TERF2: variants seen among roughly 807,000 people sequenced by gnomAD.
TERF2 encodes the protein telomeric repeat-binding factor 2.
A neutral mutation model predicts 56.1 loss-of-function variants in TERF2; 16 were observed. The observed-to-expected ratio is 0.29, with a 90% confidence interval of 0.19 to 0.43. TERF2 has a LOEUF of 0.43. Among genes scored for constraint, TERF2 ranks in the 20% least tolerant of loss-of-function variants. The pLI, the probability that TERF2 is intolerant of heterozygous loss-of-function variation, is 1.00. For synonymous variants in TERF2, 296 were observed against 282.1 expected (o/e 1.05, Z -0.50); for missense variants, 547 against 712.9 (o/e 0.77, Z 2.65).
At chr16:69,367,304 G>T in intron 6 of TERF2, 105 bp from the exon 7 acceptor site, 1 of 1,205,094 alleles carries the variant, frequency 8.3e-7, no homozygotes, top group Non-Finnish European at 1.1e-6. Context: ...CAGTTGAGGA[G>T]GCTTTAAATG....
intron 3 of TERF2, among the ~76,000 whole-genome samples, chr16:69,380,655 T>TA (rs771517864): frequency 0.033 from 4,226 of 128,786 alleles, 141 homozygotes; most frequent in South Asian, 0.13. Context: ...AGACTACGTC[T>TA]AAAAAAAAAA....
At chr16:69,360,171 G>A (rs944278292) in intron 8 of TERF2, among the ~76,000 whole-genome samples, 3 of 152,076 alleles carry the variant, frequency 2.0e-5, no homozygotes, top group Non-Finnish European at 4.4e-5. Flanking sequence ...CAGATCACTT[G>A]AGGTCAGGAG....
chr16:69,365,441 G>C (rs537484168), intron 7 of TERF2: 2 of 152,410 alleles, frequency 1.3e-5, no homozygotes, highest in South Asian at 2.1e-4. Flanking sequence ...ACACAGAGCA[G>C]AGGCAGAGGT....
At chr16:69,380,448 C>G (rs2013952840) in intron 3 of TERF2, among the ~76,000 whole-genome samples, 1 of 151,604 alleles carries the variant, frequency 6.6e-6, no homozygotes, top group Non-Finnish European at 1.5e-5. Context: ...ATCATGAGGT[C>G]AGGAGTGCAA....
Position 69,385,906 on chromosome 16 carries a change from C to T in TERF2, c.66G>A (p.Ala22=). The T allele has an allele frequency of 1.4e-6, 2 of 1,381,688 alleles. No homozygotes were observed. Among genetic ancestry groups the T allele is most frequent in the Non-Finnish European group, 1.9e-6 (2 of 1,066,514 alleles). The allele number at this position is 1,381,688 out of a possible 1,614,324, so 85.6% of individuals were successfully genotyped here. A position where few individuals can be genotyped will look rare whatever the true frequency, so the allele number is the denominator to read the frequency against. Residue 22 remains alanine, a synonymous_variant, in exon 1 of 10, where the codon GCG becomes GCA. Coordinates refer to ENST00000254942, the MANE Select transcript of TERF2 (RefSeq NM_005652.5). ...GGCCGGGCCGCTTCCTCGGCTGTGACGCCGCTGGGTCACGCACGACGCCCG... is the reference window on the plus strand; with the variant it reads ...GGCCGGGCCGCTTCCTCGGCTGTGATGCCGCTGGGTCACGCACGACGCCCG... ...SGPGVVRDPA[A]SQPRKRPGRE... is the part of the protein sequence containing the mutation.
intron 3 of TERF2, among the ~76,000 whole-genome samples, chr16:69,376,539 C>T (rs761912423): frequency 6.6e-6 from 1 of 151,968 alleles, no homozygotes; most frequent in African/African-American, 2.4e-5. Flanking sequence ...ATTAGCCAGT[C>T]TGTATCTATA....
At chr16:69,379,156 G>C (rs2013904289) in intron 3 of TERF2, among the ~76,000 whole-genome samples, 1 of 152,172 alleles carries the variant, frequency 6.6e-6, no homozygotes, top group African/African-American at 2.4e-5. Flanking sequence ...AGAAATGCCA[G>C]AAAGCACATT....
chr16:69,355,763 C>T lies in TERF2; in HGVS notation c.*1135G>A, dbSNP rs1001523166. 4.5e-4 allele frequency: 71 copies of T among 157,628 alleles called. No homozygotes were observed. The highest frequency in any genetic ancestry group is 1.7e-3 in the African/African-American group (70 of 41,566). The allele number at this position is 157,628 out of a possible 1,614,324, so 9.8% of individuals were successfully genotyped here. Reference sequence around the variant, plus strand: ...GAATGTTGAATTCCAGTGCAAGACACGAACACAGCACAATTAGGGAATCAG... The same window carrying T: ...GAATGTTGAATTCCAGTGCAAGACATGAACACAGCACAATTAGGGAATCAG... On this transcript the variant is annotated 3_prime_UTR_variant, in exon 10 of 10. Coordinates refer to ENST00000254942, the MANE Select transcript of TERF2 (RefSeq NM_005652.5).
intron 3 of TERF2, among the ~76,000 whole-genome samples, chr16:69,379,785 G>C (rs951591115): frequency 6.6e-6 from 1 of 152,150 alleles, no homozygotes; most frequent in African/African-American, 2.4e-5. Context: ...TAAGATAAAA[G>C]TTTAATGAGA....
chr16:69,361,349 C>T (rs374806959), intron 8 of TERF2, 55 bp downstream of exon 8: 30 of 1,228,790 alleles, frequency 2.4e-5, no homozygotes, highest in South Asian at 1.2e-4. Context: ...GACAGTAACA[C>T]GCATCTGTAC....
At chr16:69,376,879 A>AAAC (rs1399103335) in intron 3 of TERF2, among the ~76,000 whole-genome samples, 6 of 150,614 alleles carry the variant, frequency 4.0e-5, no homozygotes, top group Admixed American at 4.0e-4. Flanking sequence ...AAAAAAAAAA[A>AAAC]ACTGAGAAAA....
chr16:69,370,991 C>T (rs2013550346), intron 4 of TERF2, among the ~76,000 whole-genome samples: 1 of 130,402 alleles, frequency 7.7e-6, no homozygotes, highest in African/African-American at 3.0e-5. Context: ...ATGTGGATGT[C>T]TGTACACACA....
intron 8 of TERF2, among the ~76,000 whole-genome samples, chr16:69,358,455 T>C (rs1038856197): frequency 2.6e-5 from 4 of 152,202 alleles, no homozygotes; most frequent in African/African-American, 9.6e-5. Context: ...CCCAACATCG[T>C]TTTCTAAAAT....
chr16:69,374,904 G>A (rs1240328645), intron 3 of TERF2, among the ~76,000 whole-genome samples: 4 of 151,976 alleles, frequency 2.6e-5, no homozygotes, highest in Non-Finnish European at 5.9e-5. Context: ...GGCAGAGGTT[G>A]CAGTGAGCCG....
At chr16:69,370,277 C>T in intron 5 of TERF2, 1 of 613,544 alleles carries the variant, frequency 1.6e-6, no homozygotes, top group Admixed American at 3.5e-5. Flanking sequence ...GTGATCCACC[C>T]CCCTGGGCCT....
At position 69,356,241 on chromosome 16, in the gene TERF2, G is replaced by C. The variant is rs577494048; in HGVS notation, c.*657C>G. On this transcript the variant is annotated 3_prime_UTR_variant, in exon 10 of 10. Coordinates refer to ENST00000254942, the MANE Select transcript of TERF2 (RefSeq NM_005652.5). ...GTTTTAACAGGTCATGGAGTCACAA[G>C]TGGCTCCTAATAGACTTCACCATTT... is the stretch of plus-strand genomic sequence containing the variant. 2 of 454,974 alleles carry C rather than the reference G, an allele frequency of 4.4e-6. No individual in the cohort carries two copies. Among genetic ancestry groups the C allele is most frequent in the South Asian group, 1.6e-5 (1 of 64,316 alleles). 28.2% of individuals were successfully genotyped at this position (454,974 alleles called of 1,614,324 possible).
chr16:69,359,952 G>C (rs2013069486), intron 8 of TERF2, among the ~76,000 whole-genome samples: 1 of 151,552 alleles, frequency 6.6e-6, no homozygotes, highest in Admixed American at 6.6e-5. Flanking sequence ...TTGTAGACAT[G>C]GAGTTTTGCC....
chr16:69,368,844 T>G (rs1286450281), intron 5 of TERF2, among the ~76,000 whole-genome samples: 1 of 152,006 alleles, frequency 6.6e-6, no homozygotes. Context: ...GTCCAGTTAA[T>G]TTTTGTATTT....
intron 9 of TERF2, 71 bp downstream of exon 9, chr16:69,357,447 T>G: frequency 1.2e-4 from 161 of 1,347,560 alleles, no homozygotes; most frequent in Non-Finnish European, 1.5e-4. Context: ...TCTATACCTG[T>G]GAGACAGGGC....
Sources: gnomAD v4.1 joint callset for allele counts (sites outside exome capture counted in the v4.1 genomes callset) on GRCh38, gnomAD v4.1.1 for gene constraint, MANE v1.5 for transcripts, NCBI Gene and HGNC (gene_info 2026-07-23, HGNC 2026-07-21) for gene names.